The following ENG variants were observed in gnomAD, a reference collection of about 807,000 sequenced individuals.
ENG encodes CD105 antigen.
Under a neutral mutation model 71.0 loss-of-function variants are expected in ENG, and 17 were observed. The ratio of observed to expected loss-of-function variants is 0.24; its 90% CI spans 0.16 to 0.36. The LOEUF is 0.36. Among genes scored for constraint, ENG ranks in the 10% least tolerant of loss-of-function variants. The probability of loss-of-function intolerance (pLI) is 1.00; values close to 1 mark genes in which losing one functional copy is unlikely to be tolerated. For synonymous variants in ENG, 360 were observed against 366.9 expected, an observed-to-expected ratio of 0.98 and a Z score of 0.21; for missense variants, 749 against 868.3, an observed-to-expected ratio of 0.86 and a Z score of 1.73.
intron 3 of ENG, among the ~76,000 whole-genome samples, chr9:127,828,974 C>A (rs1830695261): frequency 6.6e-6 from 1 of 152,104 alleles, no homozygotes; most frequent in African/African-American, 2.4e-5. Context: ...ATGGAGGAGG[C>A]AGTGCTGGCA....
intron 8 of ENG, among the ~76,000 whole-genome samples, chr9:127,820,484 C>T (rs1227705841): frequency 6.6e-6 from 1 of 151,590 alleles, no homozygotes. Context: ...TGAGCCACCG[C>T]GCCTGGCCAA....
chr9:127,831,993 C>T (rs1830777816), intron 2 of ENG, among the ~76,000 whole-genome samples: 1 of 151,664 alleles, frequency 6.6e-6, no homozygotes, highest in African/African-American at 2.4e-5. Context: ...TCACTGCAGC[C>T]TCAACCTCCT....
At chr9:127,816,531 A>G (rs934780696) in intron 13 of ENG, 1 of 265,188 alleles carries the variant, frequency 3.8e-6, no homozygotes, top group African/African-American at 2.2e-5. Context: ...CTGTGTGGCT[A>G]TGGGCCAAGC....
In ENG at chr9:127,815,730, G is replaced by A. The variant is rs1830291796; in HGVS notation, c.1929C>T (p.Ser643=). Residue 643 remains serine (S), a synonymous_variant, in exon 15 of 15, where the codon AGC becomes AGT. Transcript: ENST00000373203. ...AGGGGGTGCTCTGGGTGCTCCCGAT[G>A]CTGTGGTTGGTGCTGCTGCTCTCCG... The part of the protein sequence containing the change: ...ASSESSSTNH[S]IGSTQSTPCS... 1.3e-6 allele frequency: 2 copies of A among 1,558,404 alleles called. No individual in the cohort carries two copies. Among genetic ancestry groups the A allele is most frequent in the Admixed American group, 1.9e-5 (1 of 53,034 alleles).
intron 3 of ENG, 32 bp from the exon 4 acceptor site, chr9:127,826,704 T>C (rs748045595): frequency 6.2e-7 from 1 of 1,611,766 alleles, no homozygotes; most frequent in Non-Finnish European, 8.5e-7. Context: ...CAGCACGCTG[T>C]TCCTGGCCCT....
At position 127,846,984 on chromosome 9, in the gene ENG, C is replaced by T. The variant is rs1831181909; in HGVS notation, c.68-3739G>A. ...GAAAAACAGCTCTGGAGCCAGATGG[C>T]CTGGATCAAATCCCAGCTCTGCCTC... is the stretch of plus-strand genomic sequence containing the variant. On this transcript the variant is annotated intron_variant, in intron 1 of 14. Coordinates refer to ENST00000373203, the MANE Select transcript of ENG (RefSeq NM_001114753.3). This position sits in a 1 kb window ranked among gnomAD's most constrained non-coding sequence, Gnocchi z 5.5. 4.1e-6 allele frequency: 4 copies of T among 982,756 alleles called. No homozygotes were observed. The highest frequency in any genetic ancestry group is 6.1e-5 in the Admixed American group (1 of 16,290). The allele number at this position is 982,756 out of a possible 1,614,324, so 60.9% of individuals were successfully genotyped here.
chr9:127,851,173 C>T (rs189180254), intron 1 of ENG, among the ~76,000 whole-genome samples: 14 of 152,058 alleles, frequency 9.2e-5, no homozygotes, highest in African/African-American at 2.9e-4. Flanking sequence ...GCTGAGGCAG[C>T]TATATGGTTA....
rs1477176863 is a variant in ENG at position 127,815,979 on chromosome 9, G to A, written c.1816C>T (p.Leu606Phe). 1 of 1,607,254 alleles carries A rather than the reference G, an allele frequency of 6.2e-7. No homozygotes were observed. ...TFGAFLIGAL[L>F]TAALWYIYSH... ...TAGATGTACCAGAGTGCAGCAGTGA[G>A]CAGGGCCCCGATGAGGAAGGCACCA... The change falls in exon 14 of 15, where the codon CTC (leucine) becomes TTC (phenylalanine). Residue 606 changes from leucine to phenylalanine, a missense_variant. Physicochemically the swap from Leu to Phe is conservative, Grantham distance 22. Transcript: ENST00000373203.
rs550754896 is a variant in ENG at position 127,818,915 on chromosome 9, T to C, written c.1312-83A>G. Reference sequence around the variant, plus strand: ...GGGGTGTGGGGAGGAACAGGCATCATGGCCCTGTGGAGTTGCCTGACTCTC... The same window carrying C: ...GGGGTGTGGGGAGGAACAGGCATCACGGCCCTGTGGAGTTGCCTGACTCTC... On this transcript the variant is annotated intron_variant, in intron 10 of 14. Transcript: ENST00000373203. 1.1e-5 allele frequency: 13 copies of C among 1,179,220 alleles called. No individual in the cohort carries two copies. The East Asian group carries it at 2.9e-4, about 26-fold the overall frequency. 73.0% of individuals were successfully genotyped at this position (1,179,220 alleles called of 1,614,324 possible).
rs934110941 is a variant in ENG, at chr9:127,815,637, G to T, written c.*45C>A. The T allele has an allele frequency of 1.3e-6, 2 of 1,538,520 alleles. No homozygotes were observed. The highest frequency in any genetic ancestry group is 2.7e-5 in the African/African-American group (2 of 73,262). Reference sequence around the variant, plus strand: ...GAGTTCACACCAGTGCTCCCAGCTGGCGGCTGCTCAGTCTCTCCTGCTGGG... The same window carrying T: ...GAGTTCACACCAGTGCTCCCAGCTGTCGGCTGCTCAGTCTCTCCTGCTGGG... On this transcript the variant is annotated 3_prime_UTR_variant, in exon 15 of 15. Coordinates refer to ENST00000373203, the MANE Select transcript of ENG (RefSeq NM_001114753.3).
chr9:127,824,975 C>G lies in ENG; in HGVS notation c.817-1G>C, dbSNP rs1564455715. On this transcript the variant is annotated splice_acceptor_variant, in intron 6 of 14. Coordinates refer to ENST00000373203, the MANE Select transcript of ENG (RefSeq NM_001114753.3). LOFTEE classifies it high-confidence loss of function. ...TCTTGAAGGAGTATTCTCCAGTGGT[C>G]TAATGGTGGGGAGAGAGGCAGAACA... The G allele has an allele frequency of 6.2e-7, 1 of 1,612,528 alleles. No homozygotes were observed. The highest frequency in any genetic ancestry group is 8.5e-7 in the Non-Finnish European group (1 of 1,179,768).
intron 2 of ENG, 22 bp from the exon 3 acceptor site, chr9:127,829,849 C>T: frequency 4.3e-6 from 7 of 1,613,574 alleles, no homozygotes; most frequent in Non-Finnish European, 5.9e-6. Flanking sequence ...AGAGGAGAGA[C>T]ACACACAGTC....
chr9:127,817,214 AAG>A lies in ENG; in HGVS notation c.1687-13_1687-12del, dbSNP rs566728279. On this transcript the variant is annotated splice_polypyrimidine_tract_variant and intron_variant, in intron 12 of 14. Coordinates refer to ENST00000373203, the MANE Select transcript of ENG (RefSeq NM_001114753.3). ...AGTCCTATGGACTTCCTGGAGGAGA[AAG>A]AGAGAGCAGTATGTGGCACCTTTGG... is the stretch of plus-strand genomic sequence containing the variant. 41 of 1,613,992 alleles carry A rather than the reference AAG, an allele frequency of 2.5e-5. No individual in the cohort carries two copies. The highest frequency in any genetic ancestry group is 1.6e-4 in the Middle Eastern group (1 of 6,084).
At chr9:127,853,468 C>T (rs1419640622) in intron 1 of ENG, among the ~76,000 whole-genome samples, 1 of 152,146 alleles carries the variant, frequency 6.6e-6, no homozygotes, top group Non-Finnish European at 1.5e-5. Flanking sequence ...CCTTGCTCCT[C>T]ACCGCCCCTC....
intron 13 of ENG, chr9:127,816,264 C>A: frequency 1.5e-6 from 1 of 653,968 alleles, no homozygotes. Flanking sequence ...CCTAGAGGGC[C>A]CAGCCAGGCC....
intron 6 of ENG, 110 bp downstream of exon 6, chr9:127,825,121 T>C (rs1314723878): frequency 1.2e-6 from 2 of 1,602,526 alleles, no homozygotes; most frequent in East Asian, 2.2e-5. Context: ...CGTATGGGCA[T>C]AGGTGATTTG....
chr9:127,853,564 GCCTGCACCCACT>G (rs1469784742), intron 1 of ENG, among the ~76,000 whole-genome samples: 1 of 152,154 alleles, frequency 6.6e-6, no homozygotes, highest in Non-Finnish European at 1.5e-5. Flanking sequence ...CCCTAACCTG[GCCTGCACCCACT>G]CCTGCACCCT....
intron 5 of ENG, 102 bp from the exon 6 acceptor site, chr9:127,825,459 G>T: frequency 2.5e-6 from 4 of 1,569,404 alleles, no homozygotes; most frequent in Non-Finnish European, 2.6e-6. Context: ...ACCTGGCCAG[G>T]TGTGGGTTTA....
chr9:127,832,294 C>T (rs1830785744), intron 2 of ENG, among the ~76,000 whole-genome samples: 1 of 151,822 alleles, frequency 6.6e-6, no homozygotes, highest in Non-Finnish European at 1.5e-5. Context: ...AGACTGGTCT[C>T]AAACTCTTGA....
Sources: gnomAD v4.1 joint callset for allele counts (sites outside exome capture counted in the v4.1 genomes callset) on GRCh38, gnomAD v4.1.1 for gene constraint, Gnocchi (gnomAD v3.1) non-coding constraint, MANE v1.5 for transcripts, NCBI Gene and HGNC (gene_info 2026-07-23, HGNC 2026-07-21) for gene names.